The following TFB2M variants were observed in gnomAD, a reference collection of about 807,000 sequenced individuals.
The protein encoded by TFB2M is dimethyladenosine transferase 2, mitochondrial.
Under a neutral mutation model 41.3 loss-of-function variants are expected in TFB2M, and 44 were observed. The observed-to-expected ratio is 1.07, with a 90% confidence interval of 0.84 to 1.37. TFB2M has a LOEUF of 1.37. Among genes scored for constraint, TFB2M ranks in the 40% most tolerant of loss-of-function variants. The pLI, the probability that TFB2M is intolerant of heterozygous loss-of-function variation, is 0.00. For synonymous variants in TFB2M, 188 were observed against 176.8 expected (o/e 1.06, Z -0.50); for missense variants, 496 against 490.2 (o/e 1.01, Z -0.11).
chr1:246,544,934 T>C (rs1011752976), intron 6 of TFB2M, among the ~76,000 whole-genome samples: 10 of 151,046 alleles, frequency 6.6e-5, no homozygotes, highest in South Asian at 2.1e-4. Context: ...GCCTCCCGAG[T>C]AGCTGGGACT....
Position 246,565,944 on chromosome 1 carries a change from A to G in TFB2M, c.195T>C (p.Ser65=). The G allele has an allele frequency of 1.2e-6, 2 of 1,614,198 alleles. No homozygotes were observed. Among genetic ancestry groups the G allele is most frequent in the Non-Finnish European group, 1.7e-6 (2 of 1,180,042 alleles). ...PDFRNPPRKA[S]KASLDFKRYV... ...AACGCTTAAAGTCTAAGCTGGCCTT[A>G]GACGCCTTCCTTGGCGGATTCCTGA... The change falls in exon 1 of 8, where the codon TCT becomes TCC. Residue 65 remains serine (S), a synonymous_variant. Transcript: ENST00000366514.
chr1:246,562,028 C>T (rs1481496532), intron 2 of TFB2M, among the ~76,000 whole-genome samples: 3 of 152,088 alleles, frequency 2.0e-5, no homozygotes, highest in Non-Finnish European at 4.4e-5. Context: ...TTTTTCTTCA[C>T]ATTTTTGGAA....
chr1:246,551,492 G>C (rs1659181820), intron 4 of TFB2M, among the ~76,000 whole-genome samples, 190 bp from the exon 5 acceptor site: 1 of 152,200 alleles, frequency 6.6e-6, no homozygotes, highest in African/African-American at 2.4e-5. Flanking sequence ...TGAGGCAAGG[G>C]GACTGCTTGA....
At chr1:246,564,574 T>C (rs1240289909) in intron 1 of TFB2M, 140 bp from the exon 2 acceptor site, 2 of 669,110 alleles carry the variant, frequency 3.0e-6, no homozygotes, top group Non-Finnish European at 5.1e-6. Flanking sequence ...TCACTCTCCT[T>C]TTTACATATA....
Position 246,551,197 on chromosome 1 carries a change from G to A in TFB2M, c.795+16C>T. The A allele has an allele frequency of 6.2e-7, 1 of 1,604,316 alleles. No individual in the cohort carries two copies. Among genetic ancestry groups the A allele is most frequent in the Non-Finnish European group, 8.5e-7 (1 of 1,171,926 alleles). On this transcript the variant is annotated intron_variant, in intron 5 of 7. Coordinates refer to ENST00000366514, the MANE Select transcript of TFB2M (RefSeq NM_022366.3). Reference sequence around the variant, plus strand: ...CGCTAAAGAAAAACGTTTTTAAACAGAAGGATTTTACTCACCATGTGCAGA... The same window carrying A: ...CGCTAAAGAAAAACGTTTTTAAACAAAAGGATTTTACTCACCATGTGCAGA...
Position 246,544,506 on chromosome 1 carries a change from A to T in TFB2M, c.1019+15T>A, listed in dbSNP as rs766621389. 5 of 1,578,618 alleles carry T rather than the reference A, an allele frequency of 3.2e-6. No homozygotes were observed. The highest frequency in any genetic ancestry group is 4.3e-6 in the Non-Finnish European group (5 of 1,170,312). ...TCGTTGCTACTTTATACTTGCTTTT[A>T]TTCTTTTTACTCACCGTAAGTGGTC... On this transcript the variant is annotated intron_variant, in intron 7 of 7. Transcript: ENST00000366514.
In TFB2M at chr1:246,556,054, G is replaced by C. The variant is rs565561780; in HGVS notation, c.705+519C>G. Among the ~76,000 whole-genome samples the C allele has an allele frequency of 2.6e-5, 4 of 152,262 alleles. No individual in the cohort carries two copies. The East Asian group carries it at 7.7e-4, about 29-fold the overall frequency. On this transcript the variant is annotated intron_variant, in intron 4 of 7. Coordinates refer to ENST00000366514, the MANE Select transcript of TFB2M (RefSeq NM_022366.3). ...GATCAGCATGCCTTGGCCTCCCAGA[G>C]TGCTGGGATTACAGGAGTGAGCCAC...
intron 4 of TFB2M, among the ~76,000 whole-genome samples, 193 bp downstream of exon 4, chr1:246,556,380 A>C (rs1026346544): frequency 1.3e-5 from 2 of 152,184 alleles, no homozygotes; most frequent in Admixed American, 6.6e-5. Flanking sequence ...ATGGCTGTAC[A>C]ATGGGAATGC....
At chr1:246,556,216 T>C (rs1327436991) in intron 4 of TFB2M, among the ~76,000 whole-genome samples, 4 of 152,170 alleles carry the variant, frequency 2.6e-5, no homozygotes, top group Non-Finnish European at 4.4e-5. Context: ...TAGAGTAAAC[T>C]TACATGAGGT....
intron 2 of TFB2M, among the ~76,000 whole-genome samples, chr1:246,557,793 C>G (rs1282309756): frequency 2.0e-5 from 3 of 151,994 alleles, no homozygotes; most frequent in African/African-American, 7.3e-5. Flanking sequence ...TGCCAGCCTC[C>G]CAAGTAGCTG....
At chr1:246,564,462 A>T in intron 1 of TFB2M, 28 bp from the exon 2 acceptor site, 1 of 1,594,318 alleles carries the variant, frequency 6.3e-7, no homozygotes, top group Non-Finnish European at 8.6e-7. Context: ...CGAAAAGTTT[A>T]TTTGTACAAG....
chr1:246,542,073 G>A (rs542231842), intron 7 of TFB2M, among the ~76,000 whole-genome samples: 54 of 152,190 alleles, frequency 3.5e-4, no homozygotes, highest in African/African-American at 1.2e-3. Flanking sequence ...AACCTGCACA[G>A]CATGTTACTG....
intron 6 of TFB2M, 88 bp from the exon 7 acceptor site, chr1:246,544,769 A>G: frequency 8.4e-7 from 1 of 1,192,140 alleles, no homozygotes. Context: ...CTATCTGCTG[A>G]AAGACACAAT....
chr1:246,565,754 G>T, intron 1 of TFB2M, 72 bp downstream of exon 1: 1 of 1,478,452 alleles, frequency 6.8e-7, no homozygotes, highest in Non-Finnish European at 9.2e-7. Flanking sequence ...ATCTAAAATA[G>T]CACCCCGAGG....
Position 246,559,289 on chromosome 1 carries a change from G to T in TFB2M, c.403-1755C>A, listed in dbSNP as rs190860386. Among the ~76,000 whole-genome samples the T allele has an allele frequency of 4.3e-4, 66 of 152,130 alleles. No homozygotes were observed. In the East Asian group the frequency reaches 0.012, roughly 27 times the overall value. ...TTTGGCCGGGTGCAGTGGCTCACAC[G>T]TGTAATACCAGCACTTTGGGAGGCC... On this transcript the variant is annotated intron_variant, in intron 2 of 7. Transcript: ENST00000366514.
chr1:246,557,671 TTTG>T, intron 2 of TFB2M, 137 bp from the exon 3 acceptor site: 1 of 770,098 alleles, frequency 1.3e-6, no homozygotes, highest in Non-Finnish European at 1.9e-6. Flanking sequence ...GTTTTTTTGT[TTTG>T]TTTTGTTTTG....
intron 4 of TFB2M, among the ~76,000 whole-genome samples, chr1:246,552,664 A>C (rs1659217291): frequency 6.6e-6 from 1 of 152,024 alleles, no homozygotes; most frequent in South Asian, 2.1e-4. Flanking sequence ...ATACCACGAC[A>C]TTCAAGCCTG....
At chr1:246,544,958 A>G (rs931015465) in intron 6 of TFB2M, among the ~76,000 whole-genome samples, 1 of 151,734 alleles carries the variant, frequency 6.6e-6, no homozygotes, top group Non-Finnish European at 1.5e-5. Flanking sequence ...GGCGCCCACC[A>G]CCACGCCTGG....
intron 1 of TFB2M, 85 bp downstream of exon 1, chr1:246,565,741 A>C (rs1245403264): frequency 5.0e-6 from 7 of 1,399,994 alleles, no homozygotes; most frequent in Admixed American, 2.1e-5. Context: ...AAGACCCCCC[A>C]GTATCTAAAA....
Sources: gnomAD v4.1 joint callset for allele counts (sites outside exome capture counted in the v4.1 genomes callset) on GRCh38, gnomAD v4.1.1 for gene constraint, MANE v1.5 for transcripts, NCBI Gene and HGNC (gene_info 2026-07-23, HGNC 2026-07-21) for gene names.